DYM: variants seen among roughly 807,000 people sequenced by gnomAD.
DYM encodes dymeclin, also known as dyggve-Melchior-Clausen syndrome protein.
DYM carries 78 observed loss-of-function variants against 93.1 expected under a neutral mutation model. That is an observed-to-expected ratio of 0.84 (90% CI 0.70 to 1.01). The LOEUF is 1.01. Among genes scored for constraint, DYM ranks in the 50% least tolerant of loss-of-function variants. The pLI is 0.00. For synonymous variants in DYM, 321 were observed against 319.7 expected (o/e 1.00, Z -0.04); for missense variants, 789 against 845.0 (o/e 0.93, Z 0.82).
intron 14 of DYM, among the ~76,000 whole-genome samples, chr18:49,167,438 G>A (rs2145168395): frequency 6.6e-6 from 1 of 152,254 alleles, no homozygotes; most frequent in South Asian, 2.1e-4. Context: ...CCATCGAAGA[G>A]AAACAGAGAA....
At chr18:49,329,551 A>G (rs1179947427) in intron 8 of DYM, 1 of 152,280 alleles carries the variant, frequency 6.6e-6, no homozygotes, top group Non-Finnish European at 1.5e-5. Flanking sequence ...AGTAAATGAG[A>G]AGAAACTGCA....
At chr18:49,363,127 A>T in intron 6 of DYM, 34 bp downstream of exon 6, 5 of 1,557,240 alleles carry the variant, frequency 3.2e-6, no homozygotes, top group Non-Finnish European at 4.4e-6. Flanking sequence ...TATACAAAGA[A>T]GATAAAACAA....
intron 2 of DYM, among the ~76,000 whole-genome samples, chr18:49,410,870 T>C (rs1173723114): frequency 6.6e-6 from 1 of 152,210 alleles, no homozygotes; most frequent in East Asian, 1.9e-4. Context: ...GGAGAGGGGA[T>C]TTAGAAAAAG....
At chr18:49,242,824 C>G (rs200973031) in intron 13 of DYM, among the ~76,000 whole-genome samples, 7 of 152,128 alleles carry the variant, frequency 4.6e-5, no homozygotes, top group African/African-American at 7.2e-5. Context: ...CTCAGCCTCC[C>G]GAGTAGCTGG....
intron 14 of DYM, among the ~76,000 whole-genome samples, chr18:49,169,167 G>T (rs181804103): frequency 2.6e-5 from 4 of 152,200 alleles, no homozygotes; most frequent in Admixed American, 6.5e-5. Context: ...CCCAGAGGGC[G>T]CAGTCAGGTG....
At chr18:49,141,135 A>T (rs1295636705) in intron 15 of DYM, among the ~76,000 whole-genome samples, 1 of 152,076 alleles carries the variant, frequency 6.6e-6, no homozygotes, top group Non-Finnish European at 1.5e-5. Context: ...TTGTTCATTC[A>T]TCAATTGCCA....
chr18:49,193,850 C>T (rs994355240), intron 14 of DYM, among the ~76,000 whole-genome samples: 1 of 152,162 alleles, frequency 6.6e-6, no homozygotes, highest in African/African-American at 2.4e-5. Context: ...ATTCTGTTGT[C>T]AATATAACTT....
At chr18:49,144,088 A>G (rs79482412) in intron 15 of DYM, among the ~76,000 whole-genome samples, 7 of 152,350 alleles carry the variant, frequency 4.6e-5, no homozygotes, top group African/African-American at 1.7e-4. Context: ...TTACAGGCAG[A>G]ATGAGAATTC....
chr18:49,274,637 C>T (rs1011037747), intron 10 of DYM, among the ~76,000 whole-genome samples: 10 of 152,274 alleles, frequency 6.6e-5, no homozygotes, highest in African/African-American at 2.4e-4. Flanking sequence ...TCCACATCCT[C>T]ACTTCTTATT....
intron 14 of DYM, among the ~76,000 whole-genome samples, chr18:49,176,230 A>T (rs536482228): frequency 6.6e-4 from 101 of 152,288 alleles, no homozygotes; most frequent in African/African-American, 2.3e-3. Flanking sequence ...TACTGATAAA[A>T]TATGTTGAAA....
chr18:49,293,316 T>C (rs975939912), intron 8 of DYM, among the ~76,000 whole-genome samples: 1 of 152,198 alleles, frequency 6.6e-6, no homozygotes, highest in Admixed American at 6.6e-5. Flanking sequence ...GTAGAATAAT[T>C]TATAATCCTT....
At chr18:49,393,224 G>A (rs959519727) in intron 2 of DYM, among the ~76,000 whole-genome samples, 1 of 152,078 alleles carries the variant, frequency 6.6e-6, no homozygotes, top group African/African-American at 2.4e-5. Context: ...CTTGTGCACT[G>A]ATGGTATGTA....
At chr18:49,346,683 G>GA (rs2064629417) in intron 6 of DYM, among the ~76,000 whole-genome samples, 1 of 152,072 alleles carries the variant, frequency 6.6e-6, no homozygotes, top group Admixed American at 6.6e-5. Context: ...ATAAAAATGA[G>GA]AAAGTTCTAT....
chr18:49,076,686 C>T (rs1363776475), intron 17 of DYM, among the ~76,000 whole-genome samples: 1 of 152,154 alleles, frequency 6.6e-6, no homozygotes, highest in Admixed American at 6.5e-5. Context: ...GCTGTGGATG[C>T]CACAGAACAG....
intron 17 of DYM, among the ~76,000 whole-genome samples, chr18:49,082,151 A>C (rs1486831272): frequency 1.3e-5 from 2 of 152,352 alleles, no homozygotes; most frequent in East Asian, 3.9e-4. Context: ...CCCAGGCCAG[A>C]AATATCAAGA....
At chr18:49,373,410 T>C (rs944187682) in intron 5 of DYM, among the ~76,000 whole-genome samples, 2 of 152,164 alleles carry the variant, frequency 1.3e-5, no homozygotes, top group Admixed American at 6.5e-5. Flanking sequence ...TTTTAGACCA[T>C]ATAGGGTAAC....
In DYM at chr18:49,041,186, G is replaced by C. The variant is rs1345026608; in HGVS notation, c.*2869C>G. 6.6e-6 allele frequency among the ~76,000 whole-genome samples: 1 copy of C among 152,188 alleles called. No homozygotes were observed. Among genetic ancestry groups the C allele is most frequent in the Admixed American group, 6.5e-5 (1 of 15,280 alleles). Reference sequence around the variant, plus strand: ...AGATTGTATGACACCAGCCTCAACGGGTGACTGTGGGAACTAGAGTTAGAA... The same window carrying C: ...AGATTGTATGACACCAGCCTCAACGCGTGACTGTGGGAACTAGAGTTAGAA... On this transcript the variant is annotated 3_prime_UTR_variant, in exon 18 of 18. Transcript: ENST00000675505.
At chr18:49,427,469 T>C (rs1420063085) in intron 2 of DYM, among the ~76,000 whole-genome samples, 1 of 152,044 alleles carries the variant, frequency 6.6e-6, no homozygotes, top group Non-Finnish European at 1.5e-5. Context: ...TAATAAACTA[T>C]TAAAACAACT....
chr18:49,257,545 C>T (rs1248374636), intron 12 of DYM, among the ~76,000 whole-genome samples: 1 of 152,064 alleles, frequency 6.6e-6, no homozygotes, highest in Non-Finnish European at 1.5e-5. Flanking sequence ...AGGAAAATAA[C>T]TGAAAATGGG....
Sources: gnomAD v4.1 joint callset for allele counts (sites outside exome capture counted in the v4.1 genomes callset) on GRCh38, gnomAD v4.1.1 for gene constraint, MANE v1.5 for transcripts, NCBI Gene and HGNC (gene_info 2026-07-23, HGNC 2026-07-21) for gene names.